Variants in MSRA observed in about 807,000 individuals in gnomAD.
The protein encoded by MSRA is mitochondrial peptide methionine sulfoxide reductase.
MSRA carries 54 observed loss-of-function variants against 31.3 expected under a neutral mutation model. The observed-to-expected ratio is 1.73, with a 90% confidence interval of 1.39 to 2.17. MSRA has a LOEUF of 2.17. MSRA is among the 30% of genes most tolerant of loss of function. The pLI, the probability that MSRA is intolerant of heterozygous loss-of-function variation, is 0.00. For missense variants in MSRA, 507 were observed against 300.9 expected (o/e 1.69, Z -5.07); for synonymous variants, 169 against 116.5 (o/e 1.45, Z -2.90).
intron 1 of MSRA, among the ~76,000 whole-genome samples, chr8:10,128,331 A>G (rs1217809538): frequency 6.6e-6 from 1 of 151,888 alleles, no homozygotes; most frequent in Non-Finnish European, 1.5e-5. Context: ...CTGAGCCGAG[A>G]TTGCACCATT....
chr8:10,353,077 C>T (rs532164600), intron 5 of MSRA, among the ~76,000 whole-genome samples: 1 of 152,036 alleles, frequency 6.6e-6, no homozygotes, highest in South Asian at 2.1e-4. Flanking sequence ...GCATTCCAGT[C>T]CCTTTCTCTG....
intron 2 of MSRA, among the ~76,000 whole-genome samples, chr8:10,234,687 T>C (rs1811803677): frequency 6.6e-6 from 1 of 151,908 alleles, no homozygotes; most frequent in African/African-American, 2.4e-5. Context: ...ATATGCTGCT[T>C]ACAAGAAATG....
At chr8:10,420,892 TA>T (rs71203325) in intron 5 of MSRA, among the ~76,000 whole-genome samples, 11 of 147,082 alleles carry the variant, frequency 7.5e-5, no homozygotes, top group African/African-American at 2.0e-4. Flanking sequence ...TACCACAACT[TA>T]AAAAAAAAAA....
intron 1 of MSRA, among the ~76,000 whole-genome samples, chr8:10,093,498 C>T (rs772146282): frequency 8.5e-5 from 13 of 152,052 alleles, no homozygotes; most frequent in Non-Finnish European, 1.6e-4. Context: ...CACATGTTAC[C>T]TCTTCATAGA....
intron 3 of MSRA, among the ~76,000 whole-genome samples, chr8:10,257,561 C>T (rs1017588025): frequency 5.9e-5 from 9 of 152,114 alleles, no homozygotes; most frequent in African/African-American, 9.7e-5. Flanking sequence ...CACGCACCAC[C>T]GCGCCCAAGT....
intron 1 of MSRA, among the ~76,000 whole-genome samples, chr8:10,055,541 C>T (rs1349337689): frequency 6.6e-6 from 1 of 152,230 alleles, no homozygotes; most frequent in African/African-American, 2.4e-5. Context: ...TCCCCCATTA[C>T]TGAATCGGAG....
chr8:10,398,472 G>T lies in MSRA; in HGVS notation c.544-29676G>T, dbSNP rs1040635017. ...AGTCTGAGCACAGTTTTCTCCTGCA[G>T]GGGTCCCTCAGAGGGCTTGACTACT... On this transcript the variant is annotated intron_variant, in intron 5 of 5. Transcript: ENST00000317173. Among the ~76,000 whole-genome samples, 30 of 152,194 alleles carry T rather than the reference G, an allele frequency of 2.0e-4. 1 individual carries two copies. Among genetic ancestry groups the T allele is most frequent in the Admixed American group, 2.0e-3 (30 of 15,286 alleles).
At chr8:10,095,388 G>C (rs759758085) in intron 1 of MSRA, among the ~76,000 whole-genome samples, 1 of 152,326 alleles carries the variant, frequency 6.6e-6, no homozygotes, top group South Asian at 2.1e-4. Context: ...GGCAGAAGTC[G>C]ATGCTGTTGG....
intron 5 of MSRA, among the ~76,000 whole-genome samples, chr8:10,421,846 T>G (rs1563463232): frequency 1.3e-5 from 2 of 152,062 alleles, no homozygotes; most frequent in African/African-American, 4.8e-5. Flanking sequence ...GCCCCAGAGA[T>G]CTGCTGCTCA....
intron 2 of MSRA, among the ~76,000 whole-genome samples, chr8:10,240,933 T>C (rs142431311): frequency 3.8e-4 from 58 of 152,128 alleles, no homozygotes; most frequent in Middle Eastern, 6.8e-3. Flanking sequence ...AGGGAGTTGG[T>C]GCAGCCTGGT....
At chr8:10,388,676 A>G (rs1806544845) in intron 5 of MSRA, among the ~76,000 whole-genome samples, 1 of 151,946 alleles carries the variant, frequency 6.6e-6, no homozygotes, top group African/African-American at 2.4e-5. Context: ...ACACAGTCCA[A>G]CCCCTTCTTT....
At chr8:10,396,470 A>G (rs1352827000) in intron 5 of MSRA, among the ~76,000 whole-genome samples, 1 of 152,262 alleles carries the variant, frequency 6.6e-6, no homozygotes, top group Non-Finnish European at 1.5e-5. Context: ...AAAATGAGAT[A>G]GAAAATGGAT....
chr8:10,266,945 A>G (rs148108556), intron 3 of MSRA, among the ~76,000 whole-genome samples: 6 of 152,352 alleles, frequency 3.9e-5, no homozygotes, highest in African/African-American at 1.4e-4. Context: ...TTTTCATAAT[A>G]CATTTAATGA....
chr8:10,305,396 A>G (rs898230959), intron 4 of MSRA, among the ~76,000 whole-genome samples: 2 of 139,800 alleles, frequency 1.4e-5, no homozygotes, highest in African/African-American at 2.7e-5. Flanking sequence ...TGAAGTCCCC[A>G]TGTGTTTTCT....
intron 5 of MSRA, among the ~76,000 whole-genome samples, chr8:10,329,323 C>T (rs1020041729): frequency 6.6e-6 from 1 of 152,192 alleles, no homozygotes; most frequent in East Asian, 1.9e-4. Context: ...AGAATCCCTC[C>T]CCGGATCTTC....
chr8:10,334,210 GTGTGTC>G (rs1400904153), intron 5 of MSRA, among the ~76,000 whole-genome samples: 1 of 148,882 alleles, frequency 6.7e-6, no homozygotes, highest in African/African-American at 2.4e-5. Flanking sequence ...GTGTGTGTGT[GTGTGTC>G]TGGGTATATA....
intron 1 of MSRA, among the ~76,000 whole-genome samples, chr8:10,096,913 T>C (rs1300588855): frequency 6.6e-6 from 1 of 152,234 alleles, no homozygotes; most frequent in African/African-American, 2.4e-5. Context: ...TATTTTCTTT[T>C]TATTTTATAT....
At chr8:10,424,453 G>A (rs951180603) in intron 5 of MSRA, among the ~76,000 whole-genome samples, 3 of 151,304 alleles carry the variant, frequency 2.0e-5, no homozygotes, top group Admixed American at 6.6e-5. Context: ...GCAGGAATGG[G>A]GAGAAGGCCC....
chr8:10,203,384 A>G (rs999922011), intron 1 of MSRA, among the ~76,000 whole-genome samples: 12 of 152,216 alleles, frequency 7.9e-5, no homozygotes, highest in African/African-American at 2.4e-4. Flanking sequence ...TAAGGAACAC[A>G]CGCATGTACA....
Sources: allele counts gnomAD v4.1 joint callset (sites outside exome capture counted in the v4.1 genomes callset), GRCh38; gene constraint gnomAD v4.1.1; transcripts MANE v1.5; gene names NCBI Gene and HGNC (gene_info 2026-07-23, HGNC 2026-07-21).